The following CATSPERB variants were observed in gnomAD, a reference collection of about 807,000 sequenced individuals.
The protein encoded by CATSPERB is catsper channel auxiliary subunit beta.
A neutral mutation model predicts 128.3 loss-of-function variants in CATSPERB; 93 were observed. That is an observed-to-expected ratio of 0.72 (90% CI 0.61 to 0.86). The LOEUF is 0.86. Ranked by LOEUF, CATSPERB falls within the 40% of genes least tolerant of loss-of-function variation. CATSPERB has a pLI of 0.00. For synonymous variants in CATSPERB, 381 were observed against 448.8 expected, an observed-to-expected ratio of 0.85 and a Z score of 1.91; for missense variants, 1,153 against 1,329.5, an observed-to-expected ratio of 0.87 and a Z score of 2.06.
At chr14:91,725,318 C>A (rs569594235) in intron 2 of CATSPERB, 150 bp from the exon 3 acceptor site, 1 of 446,954 alleles carries the variant, frequency 2.2e-6, no homozygotes, top group East Asian at 3.5e-5. Context: ...TCAAATTTTC[C>A]ACCTTGTTTT....
At chr14:91,593,555 A>G (rs2139761713) in intron 22 of CATSPERB, among the ~76,000 whole-genome samples, 1 of 152,334 alleles carries the variant, frequency 6.6e-6, no homozygotes, top group African/African-American at 2.4e-5. Context: ...TGGTTTTGGC[A>G]AATTTCTCCC....
chr14:91,659,889 T>C lies in CATSPERB; in HGVS notation c.1380A>G (p.Thr460=). The part of the protein sequence containing the change: ...IIKKTFHSFY[T]SAITFVSQRG... ...GTTGAGAAACAAAAGTAATAGCTGA[T>C]GTATAAAAACTATGAAAAGTCTTCT... Residue 460 remains threonine (T), a synonymous_variant, in exon 15 of 27, where the codon ACA becomes ACG. Transcript: ENST00000256343. The C allele has an allele frequency of 1.9e-6, 3 of 1,603,278 alleles. No individual in the cohort carries two copies. The South Asian group carries it at 3.4e-5, about 18-fold the overall frequency.
chr14:91,582,832 C>T (rs564395688), intron 26 of CATSPERB, among the ~76,000 whole-genome samples: 1 of 152,260 alleles, frequency 6.6e-6, no homozygotes, highest in East Asian at 1.9e-4. Context: ...CTTTGCCCTC[C>T]TCACTCTTCA....
intron 4 of CATSPERB, 129 bp downstream of exon 4, chr14:91,722,920 T>C: frequency 1.7e-6 from 1 of 598,278 alleles, no homozygotes; most frequent in Admixed American, 3.8e-5. Flanking sequence ...AGTGTAACAC[T>C]ATCAGTGGGC....
chr14:91,626,305 A>G (rs186503136), intron 17 of CATSPERB, among the ~76,000 whole-genome samples: 3 of 151,888 alleles, frequency 2.0e-5, no homozygotes, highest in Admixed American at 2.0e-4. Context: ...TGTATTCCTC[A>G]AAGTTCATGT....
intron 5 of CATSPERB, among the ~76,000 whole-genome samples, chr14:91,715,552 C>CA (rs57554614): frequency 0.16 from 7,278 of 44,654 alleles, 612 homozygotes; most frequent in African/African-American, 0.26. Context: ...GACTCCATCT[C>CA]AAAAAAAAAA....
At chr14:91,671,067 C>A (rs1473299105) in intron 13 of CATSPERB, among the ~76,000 whole-genome samples, 3 of 152,076 alleles carry the variant, frequency 2.0e-5, no homozygotes, top group African/African-American at 7.2e-5. Context: ...TCAACAGATG[C>A]AGAGAAAAAA....
chr14:91,669,803 T>A lies in CATSPERB; in HGVS notation c.1287+11A>T, dbSNP rs140387798. 1.2e-6 allele frequency: 2 copies of A among 1,602,334 alleles called. No individual in the cohort carries two copies. Among genetic ancestry groups the A allele is most frequent in the African/African-American group, 1.3e-5 (1 of 74,390 alleles). On this transcript the variant is annotated intron_variant, in intron 14 of 26. Coordinates refer to ENST00000256343, the MANE Select transcript of CATSPERB (RefSeq NM_024764.4). The stretch of plus-strand genomic sequence containing the variant: ...AACTCTAACACAGACTGAAGTTCCA[T>A]GTGTACGCACCTGATTGCCATAAGC...
At chr14:91,584,814 T>C (rs1179502935) in intron 26 of CATSPERB, among the ~76,000 whole-genome samples, 2 of 152,168 alleles carry the variant, frequency 1.3e-5, no homozygotes, top group Non-Finnish European at 2.9e-5. Context: ...TATACAGTGT[T>C]GTTTTTCTCT....
intron 19 of CATSPERB, among the ~76,000 whole-genome samples, chr14:91,620,494 T>G (rs140795641): frequency 1.7e-3 from 265 of 152,262 alleles, no homozygotes; most frequent in African/African-American, 6.2e-3. Context: ...CCCTACTCCC[T>G]CCCTTCCATC....
At chr14:91,725,572 A>G (rs750512062) in intron 2 of CATSPERB, among the ~76,000 whole-genome samples, 12 of 152,154 alleles carry the variant, frequency 7.9e-5, no homozygotes, top group Non-Finnish European at 1.8e-4. Flanking sequence ...CTACTTACTT[A>G]CCTTGTGTCT....
At chr14:91,670,299 G>C (rs1895065570) in intron 13 of CATSPERB, among the ~76,000 whole-genome samples, 1 of 152,204 alleles carries the variant, frequency 6.6e-6, no homozygotes, top group Admixed American at 6.5e-5. Flanking sequence ...CATGCCAAAA[G>C]TGTGGATGCC....
At chr14:91,650,067 C>T (rs761625840) in intron 15 of CATSPERB, among the ~76,000 whole-genome samples, 6 of 152,108 alleles carry the variant, frequency 3.9e-5, no homozygotes, top group Admixed American at 6.5e-5. Context: ...AATTGAGACA[C>T]GTCTTATAAT....
chr14:91,731,898 G>A (rs1438628798), intron 1 of CATSPERB, 32 bp downstream of exon 1: 1 of 152,364 alleles, frequency 6.6e-6, no homozygotes, highest in Non-Finnish European at 1.5e-5. Flanking sequence ...CTCCAGCAGG[G>A]TCCTTATTTT....
chr14:91,621,128 G>A (rs1167259157), intron 19 of CATSPERB, among the ~76,000 whole-genome samples: 2 of 152,150 alleles, frequency 1.3e-5, no homozygotes, highest in Admixed American at 6.5e-5. Context: ...ATGGCTGAGC[G>A]AGGTGGCTCA....
intron 7 of CATSPERB, among the ~76,000 whole-genome samples, chr14:91,702,396 C>T (rs551748417): frequency 3.3e-5 from 5 of 150,470 alleles, no homozygotes; most frequent in East Asian, 2.0e-4. Flanking sequence ...GCAAAAACCG[C>T]GATTACTTTT....
intron 10 of CATSPERB, among the ~76,000 whole-genome samples, chr14:91,685,998 C>A (rs1194363318): frequency 6.6e-6 from 1 of 152,066 alleles, no homozygotes; most frequent in Non-Finnish European, 1.5e-5. Flanking sequence ...ATGCCAAATC[C>A]CTAATTTAGG....
At chr14:91,631,769 G>A (rs949696254) in intron 17 of CATSPERB, among the ~76,000 whole-genome samples, 7 of 152,206 alleles carry the variant, frequency 4.6e-5, no homozygotes, top group East Asian at 1.9e-4. Flanking sequence ...TTGAGGAACC[G>A]AGGGACCAGA....
intron 13 of CATSPERB, among the ~76,000 whole-genome samples, chr14:91,670,300 T>C (rs1713794146): frequency 6.6e-6 from 1 of 152,146 alleles, no homozygotes; most frequent in South Asian, 2.1e-4. Flanking sequence ...ATGCCAAAAG[T>C]GTGGATGCCT....
Sources: allele counts gnomAD v4.1 joint callset (sites outside exome capture counted in the v4.1 genomes callset), GRCh38; gene constraint gnomAD v4.1.1; transcripts MANE v1.5; gene names NCBI Gene and HGNC (gene_info 2026-07-23, HGNC 2026-07-21).